Variants in MID2 observed in about 807,000 individuals in gnomAD.
The protein encoded by MID2 is probable E3 ubiquitin-protein ligase MID2.
A neutral mutation model predicts 46.1 loss-of-function variants in MID2; 13 were observed. That is an observed-to-expected ratio of 0.28 (90% CI 0.18 to 0.45). MID2 has a LOEUF of 0.45. Among genes scored for constraint, MID2 ranks in the 20% least tolerant of loss-of-function variants. The probability of loss-of-function intolerance (pLI) is 1.00; values close to 1 mark genes in which losing one functional copy is unlikely to be tolerated. For missense variants in MID2, 431 were observed against 575.4 expected (o/e 0.75, Z 2.57); for synonymous variants, 199 against 212.3 (o/e 0.94, Z 0.55).
chrX:107,830,791 C>T (rs1931073874), intron 1 of MID2, among the ~76,000 whole-genome samples: 1 of 111,669 alleles, frequency 9.0e-6, no homozygotes, highest in Admixed American at 9.5e-5. Flanking sequence ...TAATTATCTT[C>T]TTGTACAGAT....
intron 7 of MID2, among the ~76,000 whole-genome samples, chrX:107,920,052 A>C (rs946505739): frequency 1.3e-4 from 15 of 112,124 alleles, no homozygotes; most frequent in Non-Finnish European, 1.3e-4. Flanking sequence ...TTTTGTTAGA[A>C]CAAGGACAAG....
At chrX:107,866,472 CACACAA>C (rs1187426025) in intron 3 of MID2, among the ~76,000 whole-genome samples, 1 of 69,507 alleles carries the variant, frequency 1.4e-5, no homozygotes, top group East Asian at 5.1e-4. Context: ...CACACACACA[CACACAA>C]CACTGACCTA....
In MID2 at chrX:107,833,229, T is replaced by C. The variant is rs1056131991; in HGVS notation, c.4+6799T>C. Among the ~76,000 whole-genome samples the C allele has an allele frequency of 9.9e-5, 11 of 110,846 alleles. No homozygotes were observed. In the East Asian group the frequency reaches 3.1e-3, roughly 31 times the overall value. ...CTCTATAATAATCGGATGTCAGAGC[T>C]GGAAAGCATCTTAAAGAGATCGTCT... On this transcript the variant is annotated intron_variant, in intron 1 of 9. Coordinates refer to ENST00000262843, the MANE Select transcript of MID2 (RefSeq NM_012216.4).
chrX:107,913,362 G>T (rs772424844), intron 5 of MID2, among the ~76,000 whole-genome samples: 1 of 111,806 alleles, frequency 8.9e-6, no homozygotes, highest in East Asian at 2.8e-4. Context: ...ATGGTGTGTT[G>T]AGTGCCCTTG....
At chrX:107,851,534 C>T (rs1426177449) in intron 2 of MID2, among the ~76,000 whole-genome samples, 2 of 111,140 alleles carry the variant, frequency 1.8e-5, no homozygotes, top group Non-Finnish European at 3.8e-5. Flanking sequence ...TCCCCCATCC[C>T]CTGCCCTGGG....
chrX:107,851,859 A>T (rs1458898521), intron 2 of MID2, among the ~76,000 whole-genome samples: 3 of 5,795 alleles, frequency 5.2e-4, no homozygotes, highest in South Asian at 0.01. Flanking sequence ...TATACTTTTT[A>T]TTTATTTATT....
chrX:107,858,031 A>G (rs1056407433), intron 3 of MID2, among the ~76,000 whole-genome samples: 3 of 112,024 alleles, frequency 2.7e-5, no homozygotes, highest in Non-Finnish European at 5.6e-5. Context: ...CCTCCCTATC[A>G]TGGTTCTTTC....
rs1008265134 is a variant in MID2 at position 107,927,165 on chromosome X, A to G, written c.*92A>G. ...TAGCGTTCAATATACGAGACACAAA[A>G]TAAAGTTTGTTTGAAGCATCCAAAA... is the stretch of plus-strand genomic sequence containing the variant. On this transcript the variant is annotated 3_prime_UTR_variant, in exon 10 of 10. Coordinates refer to ENST00000262843, the MANE Select transcript of MID2 (RefSeq NM_012216.4). 4 of 844,532 alleles carry G rather than the reference A, an allele frequency of 4.7e-6. No homozygotes were observed. The highest frequency in any genetic ancestry group is 6.4e-6 in the Non-Finnish European group (4 of 620,507). The allele number at this position is 844,532 out of a possible 1,213,427, so 69.6% of individuals were successfully genotyped here.
At chrX:107,880,640 G>A (rs1353724649) in intron 3 of MID2, among the ~76,000 whole-genome samples, 2 of 112,398 alleles carry the variant, frequency 1.8e-5, no homozygotes, top group African/African-American at 6.5e-5. Flanking sequence ...ATCTGCAGGA[G>A]TAACTGGGGA....
chrX:107,875,905 A>C (rs758860023), intron 3 of MID2, among the ~76,000 whole-genome samples: 1 of 111,316 alleles, frequency 9.0e-6, no homozygotes, highest in African/African-American at 3.3e-5. Flanking sequence ...GGGCTCCTGG[A>C]TGGTAATGGT....
At chrX:107,833,427 A>ATT (rs200564609) in intron 1 of MID2, among the ~76,000 whole-genome samples, 12 of 105,208 alleles carry the variant, frequency 1.1e-4, no homozygotes, top group South Asian at 4.0e-4. Context: ...ATATATATAT[A>ATT]TATTTTTTTT....
chrX:107,918,981 T>C (rs1933020495), intron 7 of MID2, among the ~76,000 whole-genome samples: 1 of 111,174 alleles, frequency 9.0e-6, no homozygotes, highest in Non-Finnish European at 1.9e-5. Flanking sequence ...GAATGGAGCT[T>C]AGAAGTCATC....
At chrX:107,857,907 C>A (rs756542329) in intron 3 of MID2, among the ~76,000 whole-genome samples, 1 of 111,814 alleles carries the variant, frequency 8.9e-6, no homozygotes, top group Non-Finnish European at 1.9e-5. Flanking sequence ...CCAGCTAAGG[C>A]GCTTCTGAGA....
intron 2 of MID2, among the ~76,000 whole-genome samples, chrX:107,853,696 A>G (rs1319489417): frequency 9.0e-6 from 1 of 111,235 alleles, no homozygotes; most frequent in Non-Finnish European, 1.9e-5. Flanking sequence ...TGTGAGATAC[A>G]ATGCTAGATT....
intron 5 of MID2, among the ~76,000 whole-genome samples, chrX:107,908,909 A>T (rs1038674140): frequency 1.8e-5 from 2 of 111,360 alleles, no homozygotes; most frequent in African/African-American, 6.5e-5. Flanking sequence ...TTCTGAACAT[A>T]TGGAATACAG....
At chrX:107,854,487 G>A in intron 2 of MID2, 122 bp from the exon 3 acceptor site, 1 of 506,206 alleles carries the variant, frequency 2.0e-6, no homozygotes, top group East Asian at 3.4e-5. Context: ...GATGCTAAAT[G>A]AATCTTTGAA....
At chrX:107,845,140 A>T (rs910615528) in intron 2 of MID2, among the ~76,000 whole-genome samples, 1 of 111,441 alleles carries the variant, frequency 9.0e-6, no homozygotes, top group African/African-American at 3.3e-5. Context: ...GTGCTAGCAA[A>T]AGTATGGCAT....
intron 1 of MID2, among the ~76,000 whole-genome samples, chrX:107,839,362 T>G (rs962961914): frequency 7.6e-5 from 8 of 104,747 alleles, no homozygotes; most frequent in African/African-American, 2.3e-4. Context: ...GGGTGGCTTT[T>G]TTTGTTTGTT....
At chrX:107,828,786 G>A in intron 1 of MID2, among the ~76,000 whole-genome samples, 1 of 112,608 alleles carries the variant, frequency 8.9e-6, no homozygotes, top group South Asian at 3.6e-4. Flanking sequence ...CATAGTTGGT[G>A]CACTTGTGTA....
Sources: gnomAD v4.1 joint callset for allele counts (sites outside exome capture counted in the v4.1 genomes callset) on GRCh38, gnomAD v4.1.1 for gene constraint, MANE v1.5 for transcripts, NCBI Gene and HGNC (gene_info 2026-07-23, HGNC 2026-07-21) for gene names.